The following DLG2 variants were observed in gnomAD, a reference collection of about 807,000 sequenced individuals.
DLG2 encodes the protein disks large homolog 2.
A neutral mutation model predicts 132.5 loss-of-function variants in DLG2; 45 were observed. That is an observed-to-expected ratio of 0.34 (90% CI 0.27 to 0.44). The LOEUF is 0.44. DLG2 is among the 20% of genes least tolerant of loss of function. DLG2 has a pLI of 1.00. For missense variants in DLG2, 1,045 were observed against 1,196.9 expected, an observed-to-expected ratio of 0.87 and a Z score of 1.87; for synonymous variants, 424 against 419.6, an observed-to-expected ratio of 1.01 and a Z score of -0.13.
chr11:83,557,735 A>G (rs1475026288), intron 19 of DLG2, among the ~76,000 whole-genome samples: 2 of 152,204 alleles, frequency 1.3e-5, no homozygotes, highest in Admixed American at 6.5e-5. Flanking sequence ...CCAAAAAGAA[A>G]GCAGGTATTG....
At chr11:84,682,245 C>T (rs1393208760) in intron 6 of DLG2, among the ~76,000 whole-genome samples, 1 of 152,194 alleles carries the variant, frequency 6.6e-6, no homozygotes, top group African/African-American at 2.4e-5. Context: ...ACAGTCCCAA[C>T]ATAGTCACTG....
intron 5 of DLG2, among the ~76,000 whole-genome samples, chr11:85,132,461 T>C (rs958576256): frequency 5.3e-5 from 8 of 151,960 alleles, no homozygotes; most frequent in African/African-American, 1.7e-4. Flanking sequence ...ACTACTACTA[T>C]AGATATTTCT....
intron 21 of DLG2, among the ~76,000 whole-genome samples, chr11:83,492,537 C>T (rs1056976442): frequency 6.6e-6 from 1 of 151,988 alleles, no homozygotes; most frequent in African/African-American, 2.4e-5. Context: ...ATATCTAATA[C>T]ATAGTCTTCA....
At chr11:84,846,033 T>A (rs1490934020) in intron 6 of DLG2, among the ~76,000 whole-genome samples, 1 of 152,066 alleles carries the variant, frequency 6.6e-6, no homozygotes, top group Non-Finnish European at 1.5e-5. Context: ...GCTGTCTTTT[T>A]TTCCTCTTCC....
intron 15 of DLG2, among the ~76,000 whole-genome samples, chr11:83,889,130 T>A (rs2154083572): frequency 6.6e-6 from 1 of 152,158 alleles, no homozygotes; most frequent in Admixed American, 6.5e-5. Flanking sequence ...CTAAAGAGCT[T>A]CTGCACAGCA....
At chr11:84,742,857 C>T (rs2064864393) in intron 6 of DLG2, among the ~76,000 whole-genome samples, 1 of 152,170 alleles carries the variant, frequency 6.6e-6, no homozygotes, top group Non-Finnish European at 1.5e-5. Flanking sequence ...TTTACTGTCT[C>T]TATGGTTTTA....
At chr11:85,000,325 T>C (rs1592464280) in intron 6 of DLG2, among the ~76,000 whole-genome samples, 1 of 152,200 alleles carries the variant, frequency 6.6e-6, no homozygotes, top group Non-Finnish European at 1.5e-5. Context: ...TAGAGGTCTT[T>C]CTGGTATTTA....
At chr11:83,572,093 C>T (rs1392611121) in intron 19 of DLG2, among the ~76,000 whole-genome samples, 9 of 151,778 alleles carry the variant, frequency 5.9e-5, no homozygotes, top group Admixed American at 5.9e-4. Flanking sequence ...TTATCTTTGG[C>T]TTTATATTTT....
At chr11:84,423,926 T>C (rs1382741046) in intron 7 of DLG2, among the ~76,000 whole-genome samples, 1 of 152,156 alleles carries the variant, frequency 6.6e-6, no homozygotes, top group Admixed American at 6.5e-5. Flanking sequence ...AAACAGTCCA[T>C]AAATGCAGAA....
intron 7 of DLG2, among the ~76,000 whole-genome samples, chr11:84,270,608 A>C (rs1271717154): frequency 6.6e-6 from 1 of 152,188 alleles, no homozygotes; most frequent in African/African-American, 2.4e-5. Context: ...AACTACATTG[A>C]CTGAAAAACC....
intron 7 of DLG2, among the ~76,000 whole-genome samples, chr11:84,480,602 A>C (rs1175239073): frequency 6.6e-6 from 1 of 152,120 alleles, no homozygotes; most frequent in Non-Finnish European, 1.5e-5. Flanking sequence ...TGGTATGAAG[A>C]AATGCCTGGG....
At chr11:83,997,238 A>G (rs1373811505) in intron 11 of DLG2, among the ~76,000 whole-genome samples, 1 of 152,276 alleles carries the variant, frequency 6.6e-6, no homozygotes, top group African/African-American at 2.4e-5. Flanking sequence ...CAGGCATTCT[A>G]TTACTACACA....
chr11:84,701,078 C>G (rs1226502606), intron 6 of DLG2, among the ~76,000 whole-genome samples: 1 of 151,628 alleles, frequency 6.6e-6, no homozygotes, highest in Admixed American at 6.6e-5. Flanking sequence ...AATAGCCACT[C>G]CAATGAGACC....
chr11:85,555,129 G>T (rs1421324875), intron 3 of DLG2, among the ~76,000 whole-genome samples: 2 of 151,616 alleles, frequency 1.3e-5, no homozygotes, highest in African/African-American at 2.4e-5. Context: ...AAGTGCATTG[G>T]GTTTGTCTGT....
chr11:85,320,221 T>A (rs2080965931), intron 3 of DLG2, among the ~76,000 whole-genome samples: 1 of 151,880 alleles, frequency 6.6e-6, no homozygotes, highest in African/African-American at 2.4e-5. Context: ...TCATGAGCAT[T>A]ATTTAGGGAT....
chr11:84,349,214 T>A (rs1380434380), intron 7 of DLG2, among the ~76,000 whole-genome samples: 1 of 152,174 alleles, frequency 6.6e-6, no homozygotes. Context: ...GATTTTCATC[T>A]TATTAGTAAA....
At chr11:83,743,897 G>T (rs961114707) in intron 18 of DLG2, among the ~76,000 whole-genome samples, 3 of 152,190 alleles carry the variant, frequency 2.0e-5, no homozygotes, top group African/African-American at 7.2e-5. Flanking sequence ...ATTACGTACT[G>T]GGTATGTCAA....
intron 6 of DLG2, among the ~76,000 whole-genome samples, chr11:84,758,279 A>G (rs1220025489): frequency 6.6e-6 from 1 of 152,204 alleles, no homozygotes; most frequent in Middle Eastern, 3.2e-3. Flanking sequence ...ACAACAAGCT[A>G]TGTATCTGGA....
intron 11 of DLG2, among the ~76,000 whole-genome samples, chr11:83,984,875 A>G (rs1404061525): frequency 1.3e-5 from 2 of 152,160 alleles, no homozygotes; most frequent in African/African-American, 4.8e-5. Flanking sequence ...GAAATACACA[A>G]TACATTATTA....
Sources: allele counts gnomAD v4.1 joint callset (sites outside exome capture counted in the v4.1 genomes callset), GRCh38; gene constraint gnomAD v4.1.1; transcripts MANE v1.5; gene names NCBI Gene and HGNC (gene_info 2026-07-23, HGNC 2026-07-21).